IK: variants seen among roughly 807,000 people sequenced by gnomAD.
The protein encoded by IK is protein Red.
IK carries 47 observed loss-of-function variants against 90.9 expected under a neutral mutation model. The ratio of observed to expected loss-of-function variants is 0.52; its 90% CI spans 0.41 to 0.66. The LOEUF (loss-of-function observed/expected upper bound fraction) is 0.66, where lower values mean the gene tolerates loss of function less well. Ranked by LOEUF, IK falls within the 30% of genes least tolerant of loss-of-function variation. IK has a pLI of 0.00. For synonymous variants in IK, 201 were observed against 227.5 expected (o/e 0.88, Z 1.05); for missense variants, 385 against 709.3 (o/e 0.54, Z 5.19).
At position 140,661,825 on chromosome 5, in the gene IK, C is replaced by A; in HGVS notation, c.1503-74C>A. 1.4e-6 allele frequency: 2 copies of A among 1,448,496 alleles called. No homozygotes were observed. Among genetic ancestry groups the A allele is most frequent in the Non-Finnish European group, 1.9e-6 (2 of 1,050,840 alleles). The allele number at this position is 1,448,496 out of a possible 1,614,324, so 89.7% of individuals were successfully genotyped here. ...GAGATGTTCCCCACTAAGTTCTTTG[C>A]CCACAGGACTCTGGGAAAACCTCGC... On this transcript the variant is annotated intron_variant, in intron 17 of 19. Transcript: ENST00000417647. This position sits in a 1 kb window ranked among gnomAD's most constrained non-coding sequence, Gnocchi z 4.2.
intron 9 of IK, among the ~76,000 whole-genome samples, chr5:140,656,395 G>A (rs1404721604): frequency 6.6e-6 from 1 of 152,118 alleles, no homozygotes; most frequent in Non-Finnish European, 1.5e-5. Context: ...GTTTTACCAC[G>A]TTGGCTAGGC....
chr5:140,654,609 T>C, intron 7 of IK, 23 bp downstream of exon 7: 1 of 1,585,848 alleles, frequency 6.3e-7, no homozygotes, highest in South Asian at 1.1e-5. Context: ...TATGGAAAGG[T>C]TGAGAATTTA....
chr5:140,653,393 TCTC>T (rs1757648125), intron 5 of IK, among the ~76,000 whole-genome samples: 1 of 151,620 alleles, frequency 6.6e-6, no homozygotes, highest in South Asian at 2.1e-4. Flanking sequence ...TTCATGCCAT[TCTC>T]CTGCCTCAGC....
chr5:140,652,061 T>C (rs1408712321), intron 3 of IK, 27 bp from the exon 4 acceptor site: 2 of 1,588,482 alleles, frequency 1.3e-6, no homozygotes, highest in Admixed American at 1.7e-5. Flanking sequence ...AATATTTTGC[T>C]ATCAGTGAAT....
intron 1 of IK, 88 bp from the exon 2 acceptor site, chr5:140,648,383 C>T: frequency 8.7e-7 from 1 of 1,144,924 alleles, no homozygotes; most frequent in South Asian, 1.2e-5. Context: ...AACTTTTGTT[C>T]TGTATTGTTC....
rs1259561107 is a variant in IK at position 140,654,016 on chromosome 5, T to C, written c.483T>C (p.His161=). Residue 161 remains histidine (H), a synonymous_variant, in exon 6 of 20, where the codon CAT becomes CAC. Transcript: ENST00000417647. The part of the protein sequence containing the change: ...KFLGGDMEHT[H]LVKGLDFALL... Reference sequence around the variant, plus strand: ...TGGGTGGTGACATGGAACACACCCATTTGGTGAAAGGCTTGGATTTTGCTC... The same window carrying C: ...TGGGTGGTGACATGGAACACACCCACTTGGTGAAAGGCTTGGATTTTGCTC... 6.2e-7 allele frequency: 1 copy of C among 1,610,720 alleles called. No homozygotes were observed. Among genetic ancestry groups the C allele is most frequent in the Admixed American group, 1.7e-5 (1 of 60,012 alleles).
Position 140,657,355 on chromosome 5 carries a change from C to T in IK, c.802-199C>T, listed in dbSNP as rs990931179. Among the ~76,000 whole-genome samples the T allele has an allele frequency of 2.6e-5, 4 of 152,336 alleles. 1 individual carries two copies. In the South Asian group the frequency reaches 8.3e-4, roughly 32 times the overall value. ...TAGAATGTTCTAGACTCCTGACTTTCTTGAATGGTCTTGATTCATTTTGAT... is the reference window on the plus strand; with the variant it reads ...TAGAATGTTCTAGACTCCTGACTTTTTTGAATGGTCTTGATTCATTTTGAT... On this transcript the variant is annotated intron_variant, in intron 9 of 19. Transcript: ENST00000417647.
chr5:140,652,280 A>G, intron 4 of IK, 133 bp downstream of exon 4: 1 of 686,608 alleles, frequency 1.5e-6, no homozygotes, highest in Non-Finnish European at 2.6e-6. Context: ...ACAGAGTGAT[A>G]CTTAGAGTGG....
Position 140,651,832 on chromosome 5 carries a change from T to G in IK, c.176+26T>G, listed in dbSNP as rs777884541. On this transcript the variant is annotated intron_variant, in intron 3 of 19. Coordinates refer to ENST00000417647, the MANE Select transcript of IK (RefSeq NM_006083.4). ...GTAAGTCTTTGGGTGATCCAACCTG[T>G]CTCCCAACTTGTTTCTTGCTCCTTC... 9 of 1,394,070 alleles carry G rather than the reference T, an allele frequency of 6.5e-6. No homozygotes were observed. The African/African-American group carries it at 1.3e-4, about 20-fold the overall frequency. The allele number at this position is 1,394,070 out of a possible 1,614,324, so 86.4% of individuals were successfully genotyped here.
At chr5:140,651,390 G>T (rs1236305702) in intron 2 of IK, among the ~76,000 whole-genome samples, 3 of 149,468 alleles carry the variant, frequency 2.0e-5, no homozygotes, top group Non-Finnish European at 3.0e-5. Flanking sequence ...AGTGGGCTGA[G>T]ATCATGCCAC....
intron 2 of IK, 83 bp from the exon 3 acceptor site, chr5:140,651,631 G>T (rs1581480930): frequency 1.4e-6 from 1 of 731,276 alleles, no homozygotes; most frequent in Non-Finnish European, 2.3e-6. Context: ...CCTGATTTCT[G>T]TTAATTTAAT....
At chr5:140,650,721 C>T (rs1962648) in intron 2 of IK, among the ~76,000 whole-genome samples, 59,066 of 151,932 alleles carry the variant, frequency 0.39, 11,958 homozygotes, top group East Asian at 0.46. Flanking sequence ...GGATTACAGG[C>T]GCCCACCACA....
At chr5:140,662,149 T>C (rs1757809968) in intron 18 of IK, 30 bp from the exon 19 acceptor site, 1 of 1,613,498 alleles carries the variant, frequency 6.2e-7, no homozygotes, top group Admixed American at 1.7e-5. Context: ...ATGGGCAGCT[T>C]GGTGATAGAC....
chr5:140,655,715 T>G, intron 8 of IK, 114 bp from the exon 9 acceptor site: 2 of 999,998 alleles, frequency 2.0e-6, no homozygotes, highest in Non-Finnish European at 1.5e-6. Flanking sequence ...TTGCAAAGAT[T>G]AAATGACGCA....
intron 10 of IK, among the ~76,000 whole-genome samples, chr5:140,657,910 A>AT (rs1007216823): frequency 2.6e-5 from 4 of 152,214 alleles, no homozygotes; most frequent in African/African-American, 9.6e-5. Context: ...CTATTTATTT[A>AT]TTTTTTTTAA....
Position 140,654,850 on chromosome 5 carries a change from C to G in IK, c.637+123C>G, listed in dbSNP as rs1045185834. 2.4e-5 allele frequency: 17 copies of G among 721,880 alleles called. No individual in the cohort carries two copies. The Admixed American group carries it at 4.2e-4, about 18-fold the overall frequency. The allele number at this position is 721,880 out of a possible 1,614,324, so 44.7% of individuals were successfully genotyped here. Reference sequence around the variant, plus strand: ...CTTTCTTCTTTCTTTCTTTTTGAGACAGTGTCTCACTTAATCGCCCAGGCT... The same window carrying G: ...CTTTCTTCTTTCTTTCTTTTTGAGAGAGTGTCTCACTTAATCGCCCAGGCT... On this transcript the variant is annotated intron_variant, in intron 8 of 19. Coordinates refer to ENST00000417647, the MANE Select transcript of IK (RefSeq NM_006083.4).
rs1757763898 is a variant in IK, at chr5:140,659,324, G to GT, written c.1188dup (p.Asp397Ter). On this transcript the variant is annotated frameshift_variant, in exon 13 of 20. Transcript: ENST00000417647. LOFTEE classifies it high-confidence loss of function. ...TTTGTGTTCTTTCCAGCCCATGGAC[G>GT]TTGACAAAGGTGAGTTGTACACACA... The GT allele has an allele frequency of 6.2e-7, 1 of 1,613,852 alleles. No homozygotes were observed. The highest frequency in any genetic ancestry group is 1.7e-5 in the Admixed American group (1 of 60,006).
intron 4 of IK, 78 bp from the exon 5 acceptor site, chr5:140,652,899 G>A (rs963849714): frequency 2.9e-6 from 4 of 1,379,610 alleles, no homozygotes; most frequent in Admixed American, 1.9e-5. Context: ...GAGATGTAGG[G>A]AAGCAAGCAG....
intron 8 of IK, among the ~76,000 whole-genome samples, chr5:140,655,582 A>G (rs1001796920): frequency 2.0e-5 from 3 of 152,210 alleles, no homozygotes; most frequent in African/African-American, 4.8e-5. Context: ...TTGGAGTTAC[A>G]TGGCCTGGTT....
Sources: allele counts gnomAD v4.1 joint callset (sites outside exome capture counted in the v4.1 genomes callset), GRCh38; gene constraint gnomAD v4.1.1; non-coding constraint Gnocchi (gnomAD v3.1); transcripts MANE v1.5; gene names NCBI Gene and HGNC (gene_info 2026-07-23, HGNC 2026-07-21).